The following ROBO2 variants were observed in gnomAD, a reference collection of about 807,000 sequenced individuals.
The protein encoded by ROBO2 is roundabout guidance receptor 2.
A neutral mutation model predicts 160.8 loss-of-function variants in ROBO2; 53 were observed. The observed-to-expected ratio is 0.33, with a 90% confidence interval of 0.26 to 0.41. ROBO2 has a LOEUF of 0.41. Ranked by LOEUF, ROBO2 falls within the 10% of genes least tolerant of loss-of-function variation. ROBO2 has a pLI of 1.00. For synonymous variants in ROBO2, 664 were observed against 611.7 expected (o/e 1.09, Z -1.26); for missense variants, 1,577 against 1,722.4 (o/e 0.92, Z 1.49).
intron 2 of ROBO2, among the ~76,000 whole-genome samples, chr3:76,174,401 C>T (rs1340643049): frequency 6.6e-6 from 1 of 152,222 alleles, no homozygotes; most frequent in East Asian, 1.9e-4. Flanking sequence ...TCTTTTGTTG[C>T]AATTGCTTTT....
chr3:76,504,972 T>C (rs537973487), intron 2 of ROBO2, among the ~76,000 whole-genome samples: 1 of 152,288 alleles, frequency 6.6e-6, no homozygotes, highest in South Asian at 2.1e-4. Flanking sequence ...ACCACACACA[T>C]TTATTATGTT....
chr3:76,228,301 C>A (rs1467234227), intron 2 of ROBO2, among the ~76,000 whole-genome samples: 2 of 152,044 alleles, frequency 1.3e-5, no homozygotes, highest in African/African-American at 4.8e-5. Flanking sequence ...GTTATGAAAC[C>A]AAGAATGGTT....
chr3:77,033,288 GTTAGA>G (rs754614370), intron 2 of ROBO2, among the ~76,000 whole-genome samples: 4 of 152,168 alleles, frequency 2.6e-5, no homozygotes, highest in Admixed American at 1.3e-4. Context: ...CTACTTCAGT[GTTAGA>G]TTAGAGAAGA....
At chr3:76,765,675 G>T (rs2061540378) in intron 2 of ROBO2, among the ~76,000 whole-genome samples, 1 of 151,616 alleles carries the variant, frequency 6.6e-6, no homozygotes. Flanking sequence ...TCCCAACCAA[G>T]AGCCAGTATG....
chr3:77,285,978 C>A (rs1580669956), intron 2 of ROBO2, among the ~76,000 whole-genome samples: 1 of 152,076 alleles, frequency 6.6e-6, no homozygotes, highest in Non-Finnish European at 1.5e-5. Flanking sequence ...AAGAGAAAAT[C>A]AAGTCTCTAT....
intron 2 of ROBO2, among the ~76,000 whole-genome samples, chr3:76,788,747 T>C (rs1054953923): frequency 6.6e-6 from 1 of 151,622 alleles, no homozygotes; most frequent in African/African-American, 2.4e-5. Flanking sequence ...ATATCTATTA[T>C]TGTGGCTTCA....
chr3:76,696,260 C>T (rs17014536), intron 2 of ROBO2, among the ~76,000 whole-genome samples: 1 of 152,086 alleles, frequency 6.6e-6, no homozygotes, highest in Non-Finnish European at 1.5e-5. Context: ...TGGATTCTTC[C>T]TTATTATATG....
chr3:77,290,057 A>C (rs1439290899), intron 2 of ROBO2, among the ~76,000 whole-genome samples: 1 of 150,978 alleles, frequency 6.6e-6, no homozygotes, highest in African/African-American at 2.4e-5. Flanking sequence ...AGCTGAGGCT[A>C]GATCACCAAA....
At chr3:76,687,644 C>T (rs1262661847) in intron 2 of ROBO2, among the ~76,000 whole-genome samples, 1 of 151,826 alleles carries the variant, frequency 6.6e-6, no homozygotes, top group Non-Finnish European at 1.5e-5. Context: ...TAAAACTGAG[C>T]CATTAAGAAC....
chr3:76,412,718 C>G (rs2075558073), intron 2 of ROBO2, among the ~76,000 whole-genome samples: 1 of 152,176 alleles, frequency 6.6e-6, no homozygotes, highest in African/African-American at 2.4e-5. Context: ...CAGCTACACC[C>G]CTGTGGTTTT....
chr3:77,139,461 A>G (rs2076534594), intron 2 of ROBO2, among the ~76,000 whole-genome samples: 2 of 152,196 alleles, frequency 1.3e-5, no homozygotes, highest in Admixed American at 1.3e-4. Context: ...AATACTAAGC[A>G]GCCTTGCAGC....
intron 2 of ROBO2, among the ~76,000 whole-genome samples, chr3:76,664,089 C>T (rs1421066465): frequency 6.6e-6 from 1 of 152,038 alleles, no homozygotes; most frequent in Non-Finnish European, 1.5e-5. Flanking sequence ...GGCTATTTCC[C>T]TATGGGGAAG....
At chr3:77,177,811 T>C (rs1018349210) in intron 2 of ROBO2, among the ~76,000 whole-genome samples, 1 of 152,142 alleles carries the variant, frequency 6.6e-6, no homozygotes, top group African/African-American at 2.4e-5. Flanking sequence ...GTGAAGTAGA[T>C]CTCTTTCCCC....
At chr3:76,912,925 A>G (rs757261005) in intron 2 of ROBO2, among the ~76,000 whole-genome samples, 5 of 152,140 alleles carry the variant, frequency 3.3e-5, no homozygotes, top group Non-Finnish European at 7.3e-5. Context: ...CTAGTGAGCT[A>G]AGATTACATT....
chr3:76,535,699 TG>T (rs2082459755), intron 2 of ROBO2, among the ~76,000 whole-genome samples: 1 of 151,192 alleles, frequency 6.6e-6, no homozygotes, highest in Admixed American at 6.6e-5. Flanking sequence ...GACACCAGAG[TG>T]GGGGAGTTTT....
At chr3:75,935,325 G>C (rs1365878017) in intron 1 of ROBO2, among the ~76,000 whole-genome samples, 1 of 152,086 alleles carries the variant, frequency 6.6e-6, no homozygotes, top group Non-Finnish European at 1.5e-5. Flanking sequence ...TCTGAGACCA[G>C]TCAAGCAACA....
At chr3:77,501,029 ATCTG>A (rs2087524229) in intron 5 of ROBO2, among the ~76,000 whole-genome samples, 1 of 152,152 alleles carries the variant, frequency 6.6e-6, no homozygotes, top group Non-Finnish European at 1.5e-5. Context: ...GAGCAAAAGG[ATCTG>A]TCTGTGTGCC....
chr3:76,144,232 A>G (rs757603596), intron 2 of ROBO2, among the ~76,000 whole-genome samples: 9 of 152,056 alleles, frequency 5.9e-5, no homozygotes, highest in Non-Finnish European at 1.2e-4. Context: ...ACTGTTCTGG[A>G]CTTTAAAAGG....
chr3:76,414,725 C>A (rs1220744496), intron 2 of ROBO2, among the ~76,000 whole-genome samples: 1 of 148,918 alleles, frequency 6.7e-6, no homozygotes, highest in East Asian at 2.0e-4. Context: ...ATGTAACTAA[C>A]CTGCACAATG....
Sources: allele counts gnomAD v4.1 joint callset (sites outside exome capture counted in the v4.1 genomes callset), GRCh38; gene constraint gnomAD v4.1.1; transcripts MANE v1.5; gene names NCBI Gene and HGNC (gene_info 2026-07-23, HGNC 2026-07-21).